SECISBP2L: variants seen among roughly 807,000 people sequenced by gnomAD.
SECISBP2L encodes selenocysteine insertion sequence-binding protein 2-like.
In SECISBP2L, 43 loss-of-function variants were observed where a neutral mutation model predicts 114.7. That is an observed-to-expected ratio of 0.38 (90% CI 0.29 to 0.48). The LOEUF is 0.48. Among genes scored for constraint, SECISBP2L ranks in the 20% least tolerant of loss-of-function variants. The probability of loss-of-function intolerance (pLI) is 0.98; values close to 1 mark genes in which losing one functional copy is unlikely to be tolerated. For synonymous variants in SECISBP2L, 451 were observed against 439.7 expected (o/e 1.03, Z -0.32); for missense variants, 1,136 against 1,301.1 (o/e 0.87, Z 1.95).
chr15:49,017,089 G>A, intron 9 of SECISBP2L, 74 bp from the exon 10 acceptor site: 1 of 1,480,676 alleles, frequency 6.8e-7, no homozygotes, highest in Non-Finnish European at 9.2e-7. Flanking sequence ...GATCCAGAAT[G>A]TGGGATGTTC....
chr15:49,011,092 T>C (rs1054653154), intron 13 of SECISBP2L, among the ~76,000 whole-genome samples: 2 of 152,194 alleles, frequency 1.3e-5, no homozygotes, highest in Admixed American at 6.5e-5. Context: ...CAATGAAACA[T>C]TGTTGCTTAA....
In SECISBP2L at chr15:49,009,357, C is replaced by T. The variant is rs1566855143; in HGVS notation, c.1886G>A (p.Ser629Asn). 6.2e-7 allele frequency: 1 copy of T among 1,613,904 alleles called. No individual in the cohort carries two copies. Among genetic ancestry groups the T allele is most frequent in the Non-Finnish European group, 8.5e-7 (1 of 1,179,900 alleles). ...ACTTGCTGGAGAGAGTGAAGTATCA[C>T]TGGGCATGCTTAGTCCAGTATCTGT... ...SQEDTGLSMPSDTSLSPASQN... is the reference protein window; with the variant it reads ...SQEDTGLSMPNDTSLSPASQN... The change falls in exon 14 of 18, where the codon AGT (serine) becomes AAT (asparagine). Residue 629 changes from serine to asparagine, a missense_variant. Coordinates refer to ENST00000559471, the MANE Select transcript of SECISBP2L (RefSeq NM_001193489.2).
chr15:49,008,597 T>A (rs1902370189), intron 14 of SECISBP2L, among the ~76,000 whole-genome samples: 1 of 152,238 alleles, frequency 6.6e-6, no homozygotes, highest in South Asian at 2.1e-4. Context: ...ACCAATGTAA[T>A]TTGGACTCAC....
At position 49,008,083 on chromosome 15, in the gene SECISBP2L, T is replaced by C. The variant is rs138883820; in HGVS notation, c.2027+1133A>G. Among the ~76,000 whole-genome samples the C allele has an allele frequency of 8.1e-4, 123 of 152,302 alleles. 1 individual carries two copies. Among genetic ancestry groups the C allele is most frequent in the African/African-American group, 2.9e-3 (122 of 41,570 alleles). On this transcript the variant is annotated intron_variant, in intron 14 of 17. Coordinates refer to ENST00000559471, the MANE Select transcript of SECISBP2L (RefSeq NM_001193489.2). ...GTATATACTTCTCCTGTATACTCTT[T>C]CCATCTTTTCTAGTAATCACCCCTC...
intron 11 of SECISBP2L, among the ~76,000 whole-genome samples, chr15:49,014,637 C>T (rs950393212): frequency 6.6e-6 from 1 of 152,032 alleles, no homozygotes; most frequent in Middle Eastern, 3.4e-3. Context: ...TTTCCAGATC[C>T]ATCATTTCCC....
At chr15:48,994,699 G>A (rs946977615) in intron 17 of SECISBP2L, among the ~76,000 whole-genome samples, 3 of 151,828 alleles carry the variant, frequency 2.0e-5, no homozygotes, top group African/African-American at 4.8e-5. Context: ...ACAGGCAATC[G>A]CTAACCTGAA....
At chr15:49,013,043 GTAAA>G (rs1902468261) in intron 11 of SECISBP2L, 1 of 459,900 alleles carries the variant, frequency 2.2e-6, no homozygotes, top group Non-Finnish European at 3.8e-6. Flanking sequence ...CATTATAGGG[GTAAA>G]TAATTAGTTC....
chr15:49,023,740 T>A (rs1426098450), intron 7 of SECISBP2L, among the ~76,000 whole-genome samples: 1 of 152,130 alleles, frequency 6.6e-6, no homozygotes, highest in Non-Finnish European at 1.5e-5. Context: ...ATTATGAAAA[T>A]GTCTCCAAGA....
rs1322814886 is a variant in SECISBP2L at position 49,012,694 on chromosome 15, T to C, written c.1685A>G (p.Lys562Arg). 1 of 1,613,730 alleles carries C rather than the reference T, an allele frequency of 6.2e-7. No individual in the cohort carries two copies. The highest frequency in any genetic ancestry group is 1.3e-5 in the African/African-American group (1 of 74,910). The change falls in exon 12 of 18, where the codon AAA becomes AGA. Residue 562 changes from lysine (K) to arginine (R), a missense_variant. Physicochemically the swap from Lys to Arg is conservative, Grantham distance 26 (BLOSUM62 2). Around this residue, in one of 2 missense-constraint regions of SECISBP2L, gnomAD observed 684 missense variants for 848.7 expected, o/e 0.81. Coordinates refer to ENST00000559471, the MANE Select transcript of SECISBP2L (RefSeq NM_001193489.2). ...DIASSKAKKG[K>R]EKEIAKLKRP... is the part of the protein sequence containing the mutation. ...TTTTAGTTTTGCAATTTCCTTCTCTTTTCCTTTTTTTGCTTTAGAAGAAGC... is the reference window on the plus strand; with the variant it reads ...TTTTAGTTTTGCAATTTCCTTCTCTCTTCCTTTTTTTGCTTTAGAAGAAGC...
chr15:49,006,154 G>A lies in SECISBP2L; in HGVS notation c.2027+3062C>T, dbSNP rs147276168. On this transcript the variant is annotated intron_variant, in intron 14 of 17. Coordinates refer to ENST00000559471, the MANE Select transcript of SECISBP2L (RefSeq NM_001193489.2). ...ATGGCCTTACCTTTCTGGGTAACCC[G>A]ACCTTTCTCTCTGGCTGCCTTTAAC... Among the ~76,000 whole-genome samples the A allele has an allele frequency of 8.7e-4, 133 of 152,252 alleles. 1 individual carries two copies. The highest frequency in any genetic ancestry group is 3.2e-3 in the African/African-American group (131 of 41,546).
chr15:49,004,409 GTTTT>G (rs1251280347), intron 14 of SECISBP2L, among the ~76,000 whole-genome samples: 1 of 152,096 alleles, frequency 6.6e-6, no homozygotes, highest in Non-Finnish European at 1.5e-5. Context: ...TGTTTGAAGG[GTTTT>G]TTGTGTCTCT....
At chr15:49,000,566 T>G (rs1902180437) in intron 15 of SECISBP2L, among the ~76,000 whole-genome samples, 1 of 152,196 alleles carries the variant, frequency 6.6e-6, no homozygotes, top group African/African-American at 2.4e-5. Flanking sequence ...CACCATAAAA[T>G]TTTAAAAGCA....
At chr15:48,999,753 C>T (rs970909109) in intron 16 of SECISBP2L, 80 bp downstream of exon 16, 2 of 1,465,850 alleles carry the variant, frequency 1.4e-6, no homozygotes, top group Non-Finnish European at 1.9e-6. Context: ...TTAAACATAA[C>T]ACTGGCATAT....
At chr15:49,023,841 T>C (rs1902688737) in intron 7 of SECISBP2L, among the ~76,000 whole-genome samples, 1 of 152,174 alleles carries the variant, frequency 6.6e-6, no homozygotes, top group African/African-American at 2.4e-5. Context: ...TTCTATTTAC[T>C]TATAATGAAG....
intron 7 of SECISBP2L, among the ~76,000 whole-genome samples, chr15:49,026,940 T>C (rs1902755606): frequency 6.6e-6 from 1 of 152,232 alleles, no homozygotes; most frequent in Non-Finnish European, 1.5e-5. Flanking sequence ...GACTACCTCA[T>C]GGCAAGCCAT....
In SECISBP2L at chr15:48,994,361, C is replaced by T. The variant is rs552893086; in HGVS notation, c.2624-1435G>A. Among the ~76,000 whole-genome samples, 15 of 152,268 alleles carry T rather than the reference C, an allele frequency of 9.9e-5. No homozygotes were observed. The East Asian group carries it at 1.5e-3, about 16-fold the overall frequency. Reference sequence around the variant, plus strand: ...TCTTGCTGTTCATTTGTAACATCTTCGTAACCGGTTTTGTGAACTGATTAT... The same window carrying T: ...TCTTGCTGTTCATTTGTAACATCTTTGTAACCGGTTTTGTGAACTGATTAT... On this transcript the variant is annotated intron_variant, in intron 17 of 17. Transcript: ENST00000559471.
At chr15:48,994,907 A>C (rs950731652) in intron 17 of SECISBP2L, among the ~76,000 whole-genome samples, 2 of 151,974 alleles carry the variant, frequency 1.3e-5, no homozygotes, top group Non-Finnish European at 2.9e-5. Context: ...TTATGAAAAA[A>C]AATTTTAAAG....
At chr15:49,030,512 TATTA>T (rs1334755178) in intron 4 of SECISBP2L, among the ~76,000 whole-genome samples, 1 of 152,260 alleles carries the variant, frequency 6.6e-6, no homozygotes, top group African/African-American at 2.4e-5. Context: ...TATTGATTCA[TATTA>T]ATTCTTTATA....
intron 1 of SECISBP2L, among the ~76,000 whole-genome samples, chr15:49,044,599 G>C (rs1350448371): frequency 6.6e-6 from 1 of 152,108 alleles, no homozygotes; most frequent in Admixed American, 6.5e-5. Context: ...CTGGGGAAGA[G>C]GCAAGAAGTA....
Sources: gnomAD v4.1 joint callset for allele counts (sites outside exome capture counted in the v4.1 genomes callset) on GRCh38, gnomAD v4.1.1 for gene constraint, gnomAD v4.1.1 regional missense constraint, MANE v1.5 for transcripts, NCBI Gene and HGNC (gene_info 2026-07-23, HGNC 2026-07-21) for gene names.